The following ADAM23 variants were observed in gnomAD, a reference collection of about 807,000 sequenced individuals.
ADAM23 encodes the protein disintegrin and metalloproteinase domain-containing protein 23.
ADAM23 carries 33 observed loss-of-function variants against 120.1 expected under a neutral mutation model. The ratio of observed to expected loss-of-function variants is 0.27; its 90% CI spans 0.21 to 0.37. The LOEUF is 0.37. ADAM23 is among the 10% of genes least tolerant of loss of function. The probability of loss-of-function intolerance (pLI) is 1.00; values close to 1 mark genes in which losing one functional copy is unlikely to be tolerated. For synonymous variants in ADAM23, 367 were observed against 375.2 expected (o/e 0.98, Z 0.25); for missense variants, 862 against 1,058.2 (o/e 0.81, Z 2.57).
intron 5 of ADAM23, among the ~76,000 whole-genome samples, chr2:206,542,955 T>G (rs1355860838): frequency 1.3e-5 from 2 of 152,238 alleles, no homozygotes; most frequent in Admixed American, 6.5e-5. Flanking sequence ...TGAATAGTCC[T>G]ATCTCAGAGT....
intron 3 of ADAM23, among the ~76,000 whole-genome samples, chr2:206,523,937 G>T (rs1696895032): frequency 6.6e-6 from 1 of 152,114 alleles, no homozygotes; most frequent in African/African-American, 2.4e-5. Context: ...TACGCTCGAG[G>T]CTCCATGAAG....
At position 206,617,700 on chromosome 2, in the gene ADAM23, G is replaced by T; in HGVS notation, c.*73G>T. The T allele has an allele frequency of 6.3e-7, 1 of 1,591,544 alleles. No individual in the cohort carries two copies. On this transcript the variant is annotated 3_prime_UTR_variant, in exon 26 of 26. Transcript: ENST00000264377. ...ATGACATACTCGCAGCAGTGTTACT[G>T]GAACTATTAAGTTTGTAAACAAAAC... is the stretch of plus-strand genomic sequence containing the variant.
chr2:206,538,860 C>T lies in ADAM23; in HGVS notation c.574-3192C>T, dbSNP rs1697234749. ...TCCTCCTGGGCTTAAGCAATCCTCCCTCCTTGGCCTCCCAAAGTGCTAGGA... is the reference window on the plus strand; with the variant it reads ...TCCTCCTGGGCTTAAGCAATCCTCCTTCCTTGGCCTCCCAAAGTGCTAGGA... On this transcript the variant is annotated intron_variant, in intron 4 of 25. Coordinates refer to ENST00000264377, the MANE Select transcript of ADAM23 (RefSeq NM_003812.4). 3.3e-5 allele frequency among the ~76,000 whole-genome samples: 5 copies of T among 152,170 alleles called. No homozygotes were observed. In the South Asian group the frequency reaches 1.0e-3, roughly 32 times the overall value.
At chr2:206,522,531 T>G (rs535521258) in intron 3 of ADAM23, among the ~76,000 whole-genome samples, 1 of 152,282 alleles carries the variant, frequency 6.6e-6, no homozygotes, top group East Asian at 1.9e-4. Context: ...AAAACTGGAC[T>G]TGGAAGAGAG....
At chr2:206,477,897 AATATATAT>A (rs71034457) in intron 2 of ADAM23, among the ~76,000 whole-genome samples, 1 of 93,574 alleles carries the variant, frequency 1.1e-5, no homozygotes, top group East Asian at 2.6e-4. Flanking sequence ...AAAAAAAAAA[AATATATAT>A]ATATATATAT....
intron 3 of ADAM23, among the ~76,000 whole-genome samples, chr2:206,525,076 G>T (rs1696916183): frequency 6.6e-6 from 1 of 152,126 alleles, no homozygotes; most frequent in Non-Finnish European, 1.5e-5. Context: ...TATGTCTGTT[G>T]TCCTGGCACA....
intron 3 of ADAM23, among the ~76,000 whole-genome samples, chr2:206,485,513 T>C (rs1290020712): frequency 2.0e-5 from 3 of 152,182 alleles, no homozygotes; most frequent in Non-Finnish European, 4.4e-5. Flanking sequence ...TCTTCAGAGT[T>C]GGTGACCTCA....
chr2:206,612,666 C>T (rs1381483185), intron 25 of ADAM23, among the ~76,000 whole-genome samples: 4 of 152,262 alleles, frequency 2.6e-5, no homozygotes, highest in Admixed American at 2.6e-4. Flanking sequence ...CTATACGTGA[C>T]CTGCCCAAGT....
intron 6 of ADAM23, among the ~76,000 whole-genome samples, chr2:206,546,621 A>G (rs1326073880): frequency 2.0e-5 from 3 of 152,130 alleles, no homozygotes; most frequent in Non-Finnish European, 4.4e-5. Flanking sequence ...GTTTCAGAAT[A>G]TGTTCTTCCA....
At chr2:206,497,405 A>G (rs945629665) in intron 3 of ADAM23, among the ~76,000 whole-genome samples, 3 of 152,234 alleles carry the variant, frequency 2.0e-5, no homozygotes, top group Non-Finnish European at 4.4e-5. Flanking sequence ...CAAAAACCAC[A>G]TGATTATCTC....
At position 206,476,359 on chromosome 2, in the gene ADAM23, A is replaced by AG. The variant is rs1360740993; in HGVS notation, c.433-4869dup. On this transcript the variant is annotated intron_variant, in intron 2 of 25. Transcript: ENST00000264377. The stretch of plus-strand genomic sequence containing the variant: ...TCTCACACCACCTATAGTTTAGAGC[A>AG]GGGGTCCCCAACTTCCAGGTCACAT... Among the ~76,000 whole-genome samples the AG allele has an allele frequency of 2.6e-5, 4 of 152,332 alleles. No individual in the cohort carries two copies. In the East Asian group the frequency reaches 7.7e-4, roughly 29 times the overall value.
chr2:206,590,390 G>A (rs950198318), intron 21 of ADAM23, among the ~76,000 whole-genome samples: 1 of 152,090 alleles, frequency 6.6e-6, no homozygotes, highest in Non-Finnish European at 1.5e-5. Context: ...GAGTCACCAC[G>A]TCCAGCCTGA....
At chr2:206,584,350 C>T (rs1223355229) in intron 18 of ADAM23, among the ~76,000 whole-genome samples, 1 of 152,194 alleles carries the variant, frequency 6.6e-6, no homozygotes, top group Non-Finnish European at 1.5e-5. Context: ...GCCACAAGGT[C>T]GTGCTTTCCA....
At chr2:206,575,673 A>C (rs1355575803) in intron 18 of ADAM23, among the ~76,000 whole-genome samples, 1 of 152,202 alleles carries the variant, frequency 6.6e-6, no homozygotes, top group Non-Finnish European at 1.5e-5. Context: ...TGAGGGCTAA[A>C]AGTTATCTTT....
At chr2:206,504,798 C>T in intron 3 of ADAM23, among the ~76,000 whole-genome samples, 1 of 152,154 alleles carries the variant, frequency 6.6e-6, no homozygotes, top group East Asian at 1.9e-4. Context: ...GGACTTTCAG[C>T]CCATAGCTCT....
intron 2 of ADAM23, among the ~76,000 whole-genome samples, chr2:206,455,628 G>T (rs1017378556): frequency 8.5e-5 from 13 of 152,090 alleles, no homozygotes; most frequent in African/African-American, 2.2e-4. Context: ...CTTCATTCAC[G>T]CATATGGGCA....
intron 24 of ADAM23, among the ~76,000 whole-genome samples, chr2:206,602,799 A>G (rs1002087077): frequency 5.9e-5 from 9 of 152,224 alleles, no homozygotes; most frequent in African/African-American, 2.2e-4. Context: ...GATATTTTAT[A>G]CTTACCAAAA....
intron 21 of ADAM23, among the ~76,000 whole-genome samples, chr2:206,592,083 C>G (rs2105848987): frequency 6.6e-6 from 1 of 152,202 alleles, no homozygotes; most frequent in African/African-American, 2.4e-5. Context: ...AATTTCTGCC[C>G]CTCCATCCTG....
rs116147184 is a variant in ADAM23 at position 206,576,125 on chromosome 2, G to A, written c.1737+2930G>A. On this transcript the variant is annotated intron_variant, in intron 18 of 25. Coordinates refer to ENST00000264377, the MANE Select transcript of ADAM23 (RefSeq NM_003812.4). ...TTTCAATATATAAATAGGTTTTTTT[G>A]CAATTTTCTGTAATATAATGACAAA... 2.8e-3 allele frequency among the ~76,000 whole-genome samples: 418 copies of A among 151,916 alleles called. 2 individuals are homozygous for A. Among genetic ancestry groups the A allele is most frequent in the African/African-American group, 9.6e-3 (397 of 41,452 alleles).
Sources: gnomAD v4.1 joint callset for allele counts (sites outside exome capture counted in the v4.1 genomes callset) on GRCh38, gnomAD v4.1.1 for gene constraint, MANE v1.5 for transcripts, NCBI Gene and HGNC (gene_info 2026-07-23, HGNC 2026-07-21) for gene names.